CREBRF: variants seen among roughly 807,000 people sequenced by gnomAD.
CREBRF encodes UPF0474 protein C5orf41.
CREBRF carries 5 observed loss-of-function variants against 66.1 expected under a neutral mutation model. The observed-to-expected ratio is 0.08, with a 90% CI of 0.04 to 0.16. The LOEUF is 0.16. CREBRF is among the 10% of genes least tolerant of loss of function. CREBRF has a pLI of 1.00. For missense variants in CREBRF, 531 were observed against 744.9 expected (o/e 0.71, Z 3.34); for synonymous variants, 229 against 264.4 (o/e 0.87, Z 1.30).
chr5:173,123,369 C>T lies in CREBRF; in HGVS notation c.1804+167C>T, dbSNP rs186475372. The T allele has an allele frequency of 7.5e-5, 43 of 572,404 alleles. No homozygotes were observed. The Admixed American group carries it at 1.7e-3, about 23-fold the overall frequency. 35.5% of individuals were successfully genotyped at this position (572,404 alleles called of 1,614,324 possible). A position where few individuals can be genotyped will look rare whatever the true frequency, so the allele number is the denominator to read the frequency against. On this transcript the variant is annotated intron_variant, in intron 8 of 8. Coordinates refer to ENST00000296953, the MANE Select transcript of CREBRF (RefSeq NM_153607.3). Reference sequence around the variant, plus strand: ...TCTTTTGAGATTTAGTGTTCATAAACATGTGTTGCAGGTGACCACAACTTG... The same window carrying T: ...TCTTTTGAGATTTAGTGTTCATAAATATGTGTTGCAGGTGACCACAACTTG...
chr5:173,128,902 G>A (rs1044759293), intron 8 of CREBRF, among the ~76,000 whole-genome samples: 14 of 140,306 alleles, frequency 1.0e-4, no homozygotes, highest in African/African-American at 3.2e-4. Context: ...TGCCTCAGCC[G>A]CCGGAGTAGC....
chr5:173,088,651 C>T (rs1758239111), intron 3 of CREBRF, among the ~76,000 whole-genome samples: 2 of 151,816 alleles, frequency 1.3e-5, no homozygotes, highest in East Asian at 1.9e-4. Flanking sequence ...CAATTCCAAA[C>T]AGGATCTGCA....
At position 173,138,926 on chromosome 5, in the gene CREBRF, A is replaced by C. The variant is rs989048786; in HGVS notation, c.*5181A>C. ...GGGCAAGAATTCAAAGCATTTGTTC[A>C]TACAATGTGGCAACCTCTTTTGCAT... is the stretch of plus-strand genomic sequence containing the variant. On this transcript the variant is annotated 3_prime_UTR_variant, in exon 9 of 9. Coordinates refer to ENST00000296953, the MANE Select transcript of CREBRF (RefSeq NM_153607.3). 6.6e-6 allele frequency: 1 copy of C among 152,212 alleles called. No individual in the cohort carries two copies. The highest frequency in any genetic ancestry group is 1.5e-5 in the Non-Finnish European group (1 of 68,018). The allele number at this position is 152,212 out of a possible 1,614,324, so 9.4% of individuals were successfully genotyped here. A position where few individuals can be genotyped will look rare whatever the true frequency, so the allele number is the denominator to read the frequency against.
intron 1 of CREBRF, among the ~76,000 whole-genome samples, chr5:173,062,767 A>G (rs1376839134): frequency 4.5e-5 from 3 of 66,292 alleles, no homozygotes; most frequent in African/African-American, 1.7e-4. Flanking sequence ...TTTTTTTTTG[A>G]GACGGAGTCT....
chr5:173,088,255 C>CTTT (rs536962764), intron 3 of CREBRF, among the ~76,000 whole-genome samples: 11 of 66,864 alleles, frequency 1.6e-4, no homozygotes, highest in East Asian at 1.0e-3. Context: ...CAAATACATT[C>CTTT]TTTTTTTTTT....
intron 8 of CREBRF, among the ~76,000 whole-genome samples, chr5:173,128,432 G>A (rs1759323276): frequency 1.3e-5 from 2 of 151,410 alleles, no homozygotes; most frequent in African/African-American, 2.4e-5. Flanking sequence ...ATATCGACTA[G>A]GTATTTTTAA....
At chr5:173,130,216 A>G (rs1423116980) in intron 8 of CREBRF, among the ~76,000 whole-genome samples, 1 of 152,190 alleles carries the variant, frequency 6.6e-6, no homozygotes, top group Non-Finnish European at 1.5e-5. Flanking sequence ...TTTTAAAAAA[A>G]TTGATCTATG....
chr5:173,057,825 T>TC (rs1757122118), intron 1 of CREBRF: 1 of 151,380 alleles, frequency 6.6e-6, no homozygotes, highest in Non-Finnish European at 1.5e-5. Context: ...TTTTTTTTTT[T>TC]TTCTCATCAG....
At chr5:173,100,376 A>G (rs1241726236) in intron 4 of CREBRF, among the ~76,000 whole-genome samples, 1 of 151,716 alleles carries the variant, frequency 6.6e-6, no homozygotes, top group Non-Finnish European at 1.5e-5. Context: ...AGCATTCTGA[A>G]TATGACTGTT....
In CREBRF at chr5:173,134,743, AAAAG is replaced by A. The variant is rs1239920330; in HGVS notation, c.*999_*1002del. 6.6e-6 allele frequency: 1 copy of A among 152,440 alleles called. No homozygotes were observed. The highest frequency in any genetic ancestry group is 1.5e-5 in the Non-Finnish European group (1 of 67,978). 9.4% of individuals were successfully genotyped at this position (152,440 alleles called of 1,614,324 possible). A position where few individuals can be genotyped will look rare whatever the true frequency, so the allele number is the denominator to read the frequency against. On this transcript the variant is annotated 3_prime_UTR_variant, in exon 9 of 9. Transcript: ENST00000296953. Reference sequence around the variant, plus strand: ...ATGATACTGTATGAATGTATGAAAAAAAAGGAGAAAAAAAAGAAAAAAAAAGGTC... The same window carrying A: ...ATGATACTGTATGAATGTATGAAAAAGAGAAAAAAAAGAAAAAAAAAGGTC...
At chr5:173,119,377 G>A (rs1759083190) in intron 7 of CREBRF, among the ~76,000 whole-genome samples, 1 of 152,146 alleles carries the variant, frequency 6.6e-6, no homozygotes, top group African/African-American at 2.4e-5. Context: ...GTTCAGTGTA[G>A]AGTGCTTGAA....
rs1382336501 is a variant in CREBRF, at chr5:173,132,567, TCCC to T, written c.1805-1060_1805-1058del. ...TCTTTCCTCCCCCTCCCCCTCCCCCTCCCCCTCCCCCTCCCCCTCCCCTCCCGT... is the reference window on the plus strand; with the variant it reads ...TCTTTCCTCCCCCTCCCCCTCCCCCTCCTCCCCCTCCCCCTCCCCTCCCGT... On this transcript the variant is annotated intron_variant, in intron 8 of 8. Transcript: ENST00000296953. 3.7e-3 allele frequency among the ~76,000 whole-genome samples: 2 copies of T among 534 alleles called. 1 individual carries two copies. Among genetic ancestry groups the T allele is most frequent in the African/African-American group, 0.013 (2 of 150 alleles). 0.4% of individuals were successfully genotyped at this position (534 alleles called of 152,430 possible). A position where few individuals can be genotyped will look rare whatever the true frequency, so the allele number is the denominator to read the frequency against.
Position 173,080,652 on chromosome 5 carries a change from G to A in CREBRF, c.-124G>A. The A allele has an allele frequency of 1.1e-6, 1 of 940,234 alleles. No homozygotes were observed. The allele number at this position is 940,234 out of a possible 1,614,324, so 58.2% of individuals were successfully genotyped here. ...AGCAATTGAATTGGAAGCACTCTGG[G>A]GAAACCTGCTGTTTATTGTGGAAAT... On this transcript the variant is annotated 5_prime_UTR_variant, in exon 2 of 9. Coordinates refer to ENST00000296953, the MANE Select transcript of CREBRF (RefSeq NM_153607.3).
intron 8 of CREBRF, among the ~76,000 whole-genome samples, chr5:173,133,156 C>G (rs1759515268): frequency 6.6e-6 from 1 of 152,124 alleles, no homozygotes; most frequent in Admixed American, 6.6e-5. Context: ...GAAAAGGAAA[C>G]TTAAACTGTA....
chr5:173,110,238 A>C, intron 5 of CREBRF: 2 of 450,240 alleles, frequency 4.4e-6, no homozygotes, highest in Admixed American at 3.3e-5. Flanking sequence ...CATGCAAATA[A>C]TGAAGAATCT....
At chr5:173,057,242 CG>C (rs66537720) in intron 1 of CREBRF, 99,758 of 150,582 alleles carry the variant, frequency 0.66, 33,318 homozygotes, top group African/African-American at 0.72. Flanking sequence ...GGCGGTGCCG[CG>C]GGGGGGCCAC....
chr5:173,068,531 A>G (rs1757501304), intron 1 of CREBRF, among the ~76,000 whole-genome samples: 1 of 152,256 alleles, frequency 6.6e-6, no homozygotes, highest in African/African-American at 2.4e-5. Context: ...AATAAAGAGC[A>G]ATAATCTTTC....
intron 1 of CREBRF, among the ~76,000 whole-genome samples, chr5:173,080,262 G>C (rs992283518): frequency 2.6e-5 from 4 of 151,458 alleles, no homozygotes; most frequent in Admixed American, 2.6e-4. Context: ...AAATGAATGA[G>C]AGCTTGACTT....
intron 1 of CREBRF, among the ~76,000 whole-genome samples, chr5:173,062,902 T>C (rs935482676): frequency 6.6e-6 from 1 of 151,746 alleles, no homozygotes; most frequent in Non-Finnish European, 1.5e-5. Context: ...CGCCCGCCAC[T>C]ACGCCCGGCT....
Sources: allele counts gnomAD v4.1 joint callset (sites outside exome capture counted in the v4.1 genomes callset), GRCh38; gene constraint gnomAD v4.1.1; transcripts MANE v1.5; gene names NCBI Gene and HGNC (gene_info 2026-07-23, HGNC 2026-07-21).